ADAMTSL1: variants seen among roughly 807,000 people sequenced by gnomAD.
ADAMTSL1 encodes the protein ADAMTS like 1.
In ADAMTSL1, 126 loss-of-function variants were observed where a neutral mutation model predicts 201.8. The observed-to-expected ratio is 0.62, with a 90% CI of 0.54 to 0.72. The LOEUF is 0.72. Among genes scored for constraint, ADAMTSL1 ranks in the 30% least tolerant of loss-of-function variants. The pLI, the probability that ADAMTSL1 is intolerant of heterozygous loss-of-function variation, is 0.00. For missense variants in ADAMTSL1, 2,679 were observed against 2,277.8 expected, an observed-to-expected ratio of 1.18 and a Z score of -3.59; for synonymous variants, 1,121 against 903.4, an observed-to-expected ratio of 1.24 and a Z score of -4.32.
intron 24 of ADAMTSL1, 53 bp downstream of exon 24, chr9:18,888,096 G>C (rs1226657754): frequency 2.6e-6 from 4 of 1,553,426 alleles, no homozygotes; most frequent in Non-Finnish European, 3.5e-6. Flanking sequence ...AAGCCCACTT[G>C]GGAATCTAAC....
chr9:18,842,315 C>A (rs1017233982), intron 23 of ADAMTSL1, among the ~76,000 whole-genome samples: 6 of 152,046 alleles, frequency 3.9e-5, no homozygotes, highest in Admixed American at 2.6e-4. Context: ...CATTCAGGAG[C>A]AGGTTGTTCA....
chr9:18,441,509 T>G (rs1293710746), intron 2 of ADAMTSL1, among the ~76,000 whole-genome samples: 1 of 152,186 alleles, frequency 6.6e-6, no homozygotes, highest in African/African-American at 2.4e-5. Context: ...CAGTGCTTTT[T>G]TTCTGTTGGG....
intron 1 of ADAMTSL1, among the ~76,000 whole-genome samples, chr9:17,960,559 T>C (rs2131397016): frequency 6.6e-6 from 1 of 152,338 alleles, no homozygotes; most frequent in East Asian, 1.9e-4. Context: ...CTAGTCATCA[T>C]TCATTGTATA....
At chr9:18,195,337 G>A (rs1056869254) in intron 2 of ADAMTSL1, among the ~76,000 whole-genome samples, 23 of 152,056 alleles carry the variant, frequency 1.5e-4, no homozygotes, top group Admixed American at 9.2e-4. Context: ...AACTGCCTCC[G>A]GGAAGGCCAT....
At chr9:18,049,881 C>T (rs574662553) in intron 1 of ADAMTSL1, among the ~76,000 whole-genome samples, 1 of 152,282 alleles carries the variant, frequency 6.6e-6, no homozygotes, top group East Asian at 1.9e-4. Flanking sequence ...CTTCGGCCTC[C>T]CAAAGTGCTG....
At chr9:18,207,862 A>G (rs547610422) in intron 2 of ADAMTSL1, among the ~76,000 whole-genome samples, 1 of 151,256 alleles carries the variant, frequency 6.6e-6, no homozygotes, top group Non-Finnish European at 1.5e-5. Flanking sequence ...CTAAGAGGAT[A>G]TAAATATAGA....
At chr9:18,675,061 G>C (rs996860025) in intron 9 of ADAMTSL1, among the ~76,000 whole-genome samples, 2 of 152,106 alleles carry the variant, frequency 1.3e-5, no homozygotes, top group Non-Finnish European at 2.9e-5. Flanking sequence ...TATATCTTGT[G>C]GATCCTGAGC....
chr9:18,034,348 C>A (rs1821102356), intron 1 of ADAMTSL1, among the ~76,000 whole-genome samples: 1 of 152,070 alleles, frequency 6.6e-6, no homozygotes, highest in Admixed American at 6.6e-5. Flanking sequence ...ATTCCCAAAC[C>A]AAACTCTCTA....
intron 2 of ADAMTSL1, among the ~76,000 whole-genome samples, chr9:18,232,525 G>A (rs575643217): frequency 6.6e-6 from 1 of 152,042 alleles, no homozygotes; most frequent in Admixed American, 6.5e-5. Context: ...TCGCTGATGT[G>A]TTTTTGCACC....
chr9:17,974,885 A>G (rs959306244), intron 1 of ADAMTSL1, among the ~76,000 whole-genome samples: 3 of 152,040 alleles, frequency 2.0e-5, no homozygotes, highest in African/African-American at 7.2e-5. Context: ...ACATACCAGA[A>G]TGGGGATTGT....
intron 2 of ADAMTSL1, among the ~76,000 whole-genome samples, chr9:18,317,641 A>G (rs1275669279): frequency 6.6e-6 from 1 of 152,196 alleles, no homozygotes; most frequent in African/African-American, 2.4e-5. Context: ...GCCTGCTAAA[A>G]GGCCTTTAGT....
At chr9:18,432,481 C>T (rs761088377) in intron 2 of ADAMTSL1, among the ~76,000 whole-genome samples, 1 of 152,044 alleles carries the variant, frequency 6.6e-6, no homozygotes, top group Admixed American at 6.6e-5. Context: ...TAGAAATGAG[C>T]ACTAGATTAA....
chr9:18,292,349 A>G (rs183158345), intron 2 of ADAMTSL1, among the ~76,000 whole-genome samples: 9 of 152,284 alleles, frequency 5.9e-5, no homozygotes, highest in South Asian at 2.1e-4. Flanking sequence ...TAGCAGTATG[A>G]TGAAATGGTA....
At chr9:18,195,958 A>G (rs188897721) in intron 2 of ADAMTSL1, among the ~76,000 whole-genome samples, 1 of 152,174 alleles carries the variant, frequency 6.6e-6, no homozygotes, top group Non-Finnish European at 1.5e-5. Flanking sequence ...AAAGTTAAAA[A>G]CTGTATTTTT....
intron 26 of ADAMTSL1, among the ~76,000 whole-genome samples, chr9:18,898,853 G>A (rs1417373432): frequency 6.6e-6 from 1 of 152,104 alleles, no homozygotes; most frequent in Non-Finnish European, 1.5e-5. Flanking sequence ...TATAGAGAAT[G>A]GCAAAAAGCT....
intron 2 of ADAMTSL1, among the ~76,000 whole-genome samples, chr9:18,358,026 A>T (rs1249977381): frequency 6.6e-6 from 1 of 152,226 alleles, no homozygotes; most frequent in Non-Finnish European, 1.5e-5. Context: ...GAATGAGAGC[A>T]TTAGGCTTTG....
chr9:18,318,715 G>A (rs564172300), intron 2 of ADAMTSL1, among the ~76,000 whole-genome samples: 1 of 151,960 alleles, frequency 6.6e-6, no homozygotes, highest in African/African-American at 2.4e-5. Flanking sequence ...CATGTTTCTC[G>A]TAGCTAATTT....
At chr9:18,730,609 G>C (rs1017126884) in intron 15 of ADAMTSL1, among the ~76,000 whole-genome samples, 1 of 152,154 alleles carries the variant, frequency 6.6e-6, no homozygotes, top group Non-Finnish European at 1.5e-5. Context: ...TCTTTATCCA[G>C]GGCTGCAGTG....
chr9:18,230,760 A>T lies in ADAMTSL1; in HGVS notation c.207+66779A>T, dbSNP rs769542256. On this transcript the variant is annotated intron_variant, in intron 2 of 29. Transcript: ENST00000680146. Reference sequence around the variant, plus strand: ...TTATTATAATTAATTAATTAATTACAAATTCAAATAAATGACCAAACTCAT... The same window carrying T: ...TTATTATAATTAATTAATTAATTACTAATTCAAATAAATGACCAAACTCAT... 2.0e-5 allele frequency among the ~76,000 whole-genome samples: 3 copies of T among 152,212 alleles called. No individual in the cohort carries two copies. The South Asian group carries it at 6.2e-4, about 32-fold the overall frequency.
Sources: allele counts gnomAD v4.1 joint callset (sites outside exome capture counted in the v4.1 genomes callset), GRCh38; gene constraint gnomAD v4.1.1; transcripts MANE v1.5; gene names NCBI Gene and HGNC (gene_info 2026-07-23, HGNC 2026-07-21).